The following BID variants were observed in gnomAD, a reference collection of about 807,000 sequenced individuals.
BID encodes the protein BH3-interacting domain death agonist.
A neutral mutation model predicts 17.4 loss-of-function variants in BID; 19 were observed. The ratio of observed to expected loss-of-function variants is 1.09; its 90% CI spans 0.76 to 1.60. The LOEUF (loss-of-function observed/expected upper bound fraction) is 1.60, where lower values mean the gene tolerates loss of function less well. Ranked by LOEUF, BID falls within the 40% of genes most tolerant of loss-of-function variation. BID has a pLI of 0.00. For missense variants in BID, 226 were observed against 256.0 expected (o/e 0.88, Z 0.80); for synonymous variants, 108 against 102.8 (o/e 1.05, Z -0.31).
At chr22:17,750,414 C>T (rs990027266) in intron 1 of BID, among the ~76,000 whole-genome samples, 1 of 152,266 alleles carries the variant, frequency 6.6e-6, no homozygotes, top group Non-Finnish European at 1.5e-5. Context: ...TTCAGCCCTC[C>T]CATGCCGCCC....
upstream of BID, chr22:17,774,642 C>T (rs995263534): frequency 2.0e-5 from 3 of 151,766 alleles, no homozygotes; most frequent in Non-Finnish European, 4.4e-5. Context: ...ACCCTTACCC[C>T]TTACGCGACT....
At chr22:17,746,447 T>C (rs1172269434) in intron 2 of BID, among the ~76,000 whole-genome samples, 7 of 152,220 alleles carry the variant, frequency 4.6e-5, no homozygotes, top group Non-Finnish European at 7.3e-5. Flanking sequence ...CTGCATCAAT[T>C]CCTAACAATT....
In BID at chr22:17,773,855, G is replaced by T. The variant is rs1458376970; in HGVS notation, c.-59+526C>A. The T allele has an allele frequency of 2.8e-6, 2 of 716,208 alleles. No homozygotes were observed. Among genetic ancestry groups the T allele is most frequent in the Non-Finnish European group, 4.6e-6 (2 of 434,522 alleles). 44.4% of individuals were successfully genotyped at this position (716,208 alleles called of 1,614,324 possible). On this transcript the variant is annotated intron_variant, in intron 1 of 5. Transcript: ENST00000622694. This position sits in a 1 kb window ranked among gnomAD's most constrained non-coding sequence, Gnocchi z 4.4. The stretch of plus-strand genomic sequence containing the variant: ...ATTGCCAGTGCTCTAAGGAGCGGGC[G>T]AGCCCCAGTAAGCGGCCGCTCTGAC...
chr22:17,773,709 G>C lies in BID; in HGVS notation c.-59+672C>G. On this transcript the variant is annotated intron_variant, in intron 1 of 5. Coordinates refer to ENST00000622694, the MANE Select transcript of BID (RefSeq NM_001196.4). The surrounding 1 kb of genome is among the most constrained non-coding windows in gnomAD (Gnocchi z 4.4). ...GCACATTCGTATTTGTTGAATGAAT[G>C]AATGAACCCTTGCCAGCCCAGCCAC... 1 of 1,605,200 alleles carries C rather than the reference G, an allele frequency of 6.2e-7. No homozygotes were observed. The highest frequency in any genetic ancestry group is 1.1e-5 in the South Asian group (1 of 90,942).
chr22:17,772,260 C>T (rs755576501), intron 1 of BID, among the ~76,000 whole-genome samples: 2 of 152,256 alleles, frequency 1.3e-5, no homozygotes, highest in African/African-American at 2.4e-5. Flanking sequence ...TATATGTGGC[C>T]GCTGAGGGCG....
Position 17,757,578 on chromosome 22 carries a change from G to A in BID, c.-58-7404C>T, listed in dbSNP as rs190982393. On this transcript the variant is annotated intron_variant, in intron 1 of 5. Coordinates refer to ENST00000622694, the MANE Select transcript of BID (RefSeq NM_001196.4). Reference sequence around the variant, plus strand: ...AAAAAAATTAGCCGGGCGTGGTGGCGGGCGCCTGTAATCCCAGCTACTCGG... The same window carrying A: ...AAAAAAATTAGCCGGGCGTGGTGGCAGGCGCCTGTAATCCCAGCTACTCGG... 8.7e-3 allele frequency among the ~76,000 whole-genome samples: 1,316 copies of A among 151,580 alleles called. 10 individuals carry two copies. The highest frequency in any genetic ancestry group is 0.028 in the African/African-American group (1,148 of 41,294).
chr22:17,739,618 G>T (rs2061444395), intron 3 of BID, 130 bp from the exon 4 acceptor site: 4 of 1,232,712 alleles, frequency 3.2e-6, no homozygotes, highest in Non-Finnish European at 4.5e-6. Context: ...CTGGGCACGT[G>T]CTCCACTCCA....
intron 1 of BID, among the ~76,000 whole-genome samples, chr22:17,756,492 CTTT>C (rs2061591089): frequency 6.7e-5 from 9 of 134,188 alleles, no homozygotes; most frequent in Middle Eastern, 3.6e-3. Context: ...TTCTTTCTTT[CTTT>C]CTCTCTCTCT....
intron 4 of BID, among the ~76,000 whole-genome samples, chr22:17,738,774 C>T (rs1353025305): frequency 1.3e-5 from 2 of 152,186 alleles, no homozygotes; most frequent in African/African-American, 2.4e-5. Flanking sequence ...GAGGTGAGGA[C>T]GCCTGCATTT....
intron 2 of BID, 88 bp from the exon 3 acceptor site, chr22:17,744,101 G>A: frequency 1.6e-6 from 2 of 1,225,934 alleles, no homozygotes; most frequent in Non-Finnish European, 1.2e-6. Flanking sequence ...CTGGCCCAAA[G>A]AGCCTCACAG....
chr22:17,765,274 T>C (rs1359354947), intron 1 of BID, among the ~76,000 whole-genome samples: 1 of 152,176 alleles, frequency 6.6e-6, no homozygotes, highest in East Asian at 1.9e-4. Flanking sequence ...TAGGTCAGTA[T>C]GATCACCCCC....
At chr22:17,735,805 A>G (rs941765356) in intron 5 of BID, among the ~76,000 whole-genome samples, 6 of 152,068 alleles carry the variant, frequency 3.9e-5, no homozygotes, top group Non-Finnish European at 2.9e-5. Context: ...CACATCTCCA[A>G]GGCACTGACG....
intron 1 of BID, among the ~76,000 whole-genome samples, chr22:17,756,450 TC>T (rs1242273722): frequency 8.0e-6 from 1 of 124,840 alleles, no homozygotes; most frequent in Non-Finnish European, 1.6e-5. Flanking sequence ...TTTCTTTCTT[TC>T]TTTCTTTCTT....
intron 5 of BID, among the ~76,000 whole-genome samples, chr22:17,736,396 G>C (rs2061419801): frequency 6.6e-6 from 1 of 150,966 alleles, no homozygotes; most frequent in Admixed American, 6.6e-5. Flanking sequence ...GGCAGAGGTT[G>C]TGGTGAGCTG....
chr22:17,762,205 T>C (rs1479093063), intron 1 of BID, among the ~76,000 whole-genome samples: 1 of 152,018 alleles, frequency 6.6e-6, no homozygotes, highest in East Asian at 1.9e-4. Context: ...TTTTATAAAA[T>C]AGTTACGTTG....
chr22:17,737,503 T>C (rs1236035556), intron 5 of BID, among the ~76,000 whole-genome samples: 2 of 152,106 alleles, frequency 1.3e-5, no homozygotes, highest in Non-Finnish European at 2.9e-5. Flanking sequence ...TGCGCCACCA[T>C]GCCCGGCTAA....
At chr22:17,774,153 G>T (rs946619072) in intron 1 of BID, 20 of 157,160 alleles carry the variant, frequency 1.3e-4, no homozygotes, top group Non-Finnish European at 2.5e-4. Context: ...CCGACCTGCC[G>T]GCCGCGCCGA....
At position 17,762,866 on chromosome 22, in the gene BID, A is replaced by AC. The variant is rs397702478; in HGVS notation, c.-59+11514dup. On this transcript the variant is annotated intron_variant, in intron 1 of 5. Coordinates refer to ENST00000622694, the MANE Select transcript of BID (RefSeq NM_001196.4). The stretch of plus-strand genomic sequence containing the variant: ...AGAAGTGCTGCTTTGAGGAAAAAAA[A>AC]CAAAACCTGTTTGTTTGTTTGTTTT... Among the ~76,000 whole-genome samples, 4 of 130,572 alleles carry AC rather than the reference A, an allele frequency of 3.1e-5. No individual in the cohort carries two copies. The East Asian group carries it at 7.8e-4, about 25-fold the overall frequency. 85.7% of individuals were successfully genotyped at this position (130,572 alleles called of 152,430 possible). A position where few individuals can be genotyped will look rare whatever the true frequency, so the allele number is the denominator to read the frequency against.
At chr22:17,739,080 T>G (rs1250845838) in intron 4 of BID, among the ~76,000 whole-genome samples, 5 of 152,264 alleles carry the variant, frequency 3.3e-5, no homozygotes, top group African/African-American at 1.2e-4. Flanking sequence ...TTTCTTCTGT[T>G]GGCCAAACAT....
Sources: allele counts gnomAD v4.1 joint callset (sites outside exome capture counted in the v4.1 genomes callset), GRCh38; gene constraint gnomAD v4.1.1; non-coding constraint Gnocchi (gnomAD v3.1); transcripts MANE v1.5; gene names NCBI Gene and HGNC (gene_info 2026-07-23, HGNC 2026-07-21).